Variants in XRCC4 observed in about 807,000 individuals in gnomAD.
XRCC4 encodes DNA repair protein XRCC4.
XRCC4 carries 28 observed loss-of-function variants against 39.1 expected under a neutral mutation model. The ratio of observed to expected loss-of-function variants is 0.72; its 90% CI spans 0.53 to 0.98. The LOEUF (loss-of-function observed/expected upper bound fraction) is 0.98. Among genes scored for constraint, XRCC4 ranks in the 50% least tolerant of loss-of-function variants. The probability of loss-of-function intolerance (pLI) is 0.00; values close to 1 mark genes in which losing one functional copy is unlikely to be tolerated. For missense variants in XRCC4, 350 were observed against 376.4 expected (o/e 0.93, Z 0.58); for synonymous variants, 123 against 126.4 (o/e 0.97, Z 0.18).
the XRCC4 span, among the ~76,000 whole-genome samples, chr5:83,358,873 A>G: frequency 6.6e-6 from 1 of 152,214 alleles, no homozygotes; most frequent in Non-Finnish European, 1.5e-5. Flanking sequence ...GTGGTGGGAC[A>G]GTAAGCATAA....
At chr5:83,214,185 T>TG (rs1247058971) in intron 6 of XRCC4, among the ~76,000 whole-genome samples, 1 of 152,180 alleles carries the variant, frequency 6.6e-6, no homozygotes, top group Admixed American at 6.5e-5. Context: ...TATTCAGTGT[T>TG]GCACTAGAAA....
intron 7 of XRCC4, among the ~76,000 whole-genome samples, chr5:83,304,778 G>A (rs906639050): frequency 2.6e-5 from 4 of 151,932 alleles, no homozygotes; most frequent in Admixed American, 6.6e-5. Context: ...TCTGTATTTA[G>A]TTGGATAGGA....
intron 3 of XRCC4, among the ~76,000 whole-genome samples, chr5:83,179,977 A>G (rs1750135643): frequency 6.6e-6 from 1 of 152,176 alleles, no homozygotes; most frequent in Non-Finnish European, 1.5e-5. Context: ...GAAAAAGTGT[A>G]AGAATAGTGG....
intron 3 of XRCC4, among the ~76,000 whole-genome samples, chr5:83,166,987 T>A (rs1414896653): frequency 6.6e-6 from 1 of 151,894 alleles, no homozygotes; most frequent in Non-Finnish European, 1.5e-5. Context: ...GTTCAAACAA[T>A]TCTCCTGCCT....
intron 7 of XRCC4, among the ~76,000 whole-genome samples, chr5:83,267,975 G>C (rs1421717088): frequency 6.6e-6 from 1 of 152,122 alleles, no homozygotes; most frequent in East Asian, 1.9e-4. Flanking sequence ...TTTTATGAAT[G>C]CTACAAGAAC....
intron 6 of XRCC4, among the ~76,000 whole-genome samples, chr5:83,241,984 C>T (rs942353063): frequency 2.2e-4 from 32 of 145,430 alleles, no homozygotes; most frequent in African/African-American, 7.6e-4. Flanking sequence ...GAGGAGGAGG[C>T]GGAAGGGTTG....
chr5:83,119,153 T>C (rs1164728041), intron 3 of XRCC4, among the ~76,000 whole-genome samples: 1 of 152,182 alleles, frequency 6.6e-6, no homozygotes, highest in Non-Finnish European at 1.5e-5. Flanking sequence ...ATTATTGCCA[T>C]GTGTCCCTGT....
At chr5:83,278,759 G>C (rs1327859198) in intron 7 of XRCC4, among the ~76,000 whole-genome samples, 2 of 151,926 alleles carry the variant, frequency 1.3e-5, no homozygotes, top group Admixed American at 1.3e-4. Flanking sequence ...GCCGAGGTGG[G>C]TGGATTACCT....
chr5:83,110,769 G>A (rs1012077314), intron 2 of XRCC4, among the ~76,000 whole-genome samples: 20 of 152,016 alleles, frequency 1.3e-4, no homozygotes, highest in African/African-American at 3.6e-4. Context: ...TTTACAATGC[G>A]TTTCATCTGA....
chr5:83,169,585 A>G (rs1201805143), intron 3 of XRCC4, among the ~76,000 whole-genome samples: 1 of 152,218 alleles, frequency 6.6e-6, no homozygotes, highest in Non-Finnish European at 1.5e-5. Flanking sequence ...ACAAAGAGTA[A>G]GCCAACCCAG....
intron 4 of XRCC4, 99 bp from the exon 5 acceptor site, chr5:83,203,453 A>G: frequency 9.5e-7 from 1 of 1,047,802 alleles, no homozygotes; most frequent in Non-Finnish European, 1.3e-6. Context: ...AATAATCTTT[A>G]ATTGTATTTT....
At chr5:83,134,106 C>G (rs1747756593) in intron 3 of XRCC4, among the ~76,000 whole-genome samples, 1 of 152,186 alleles carries the variant, frequency 6.6e-6, no homozygotes, top group Non-Finnish European at 1.5e-5. Context: ...ACCGCTGTTC[C>G]CTATTCGTGG....
intron 7 of XRCC4, among the ~76,000 whole-genome samples, chr5:83,264,421 T>C (rs965008917): frequency 6.6e-6 from 1 of 152,164 alleles, no homozygotes; most frequent in Non-Finnish European, 1.5e-5. Flanking sequence ...TCCTATGTTT[T>C]TATTATTAAT....
chr5:83,250,259 ATGT>A (rs965314141), intron 6 of XRCC4, among the ~76,000 whole-genome samples: 2 of 152,168 alleles, frequency 1.3e-5, no homozygotes, highest in Non-Finnish European at 2.9e-5. Context: ...TGAAGGCTTA[ATGT>A]TGTTCTTTCA....
intron 3 of XRCC4, among the ~76,000 whole-genome samples, chr5:83,135,112 G>C (rs1194562531): frequency 6.6e-6 from 1 of 152,184 alleles, no homozygotes; most frequent in African/African-American, 2.4e-5. Flanking sequence ...GGACACACAG[G>C]TACCGTCTGT....
Position 83,257,356 on chromosome 5 carries a change from C to A in XRCC4, c.746-1174C>A, listed in dbSNP as rs552574062. Reference sequence around the variant, plus strand: ...ACAAAATTTACAAGAAAAAAAAAAACCCATTAAAAAGTGGCCGAAGGATAT... The same window carrying A: ...ACAAAATTTACAAGAAAAAAAAAAAACCATTAAAAAGTGGCCGAAGGATAT... On this transcript the variant is annotated intron_variant, in intron 6 of 7. Coordinates refer to ENST00000396027, the MANE Select transcript of XRCC4 (RefSeq NM_003401.5). Among the ~76,000 whole-genome samples the A allele has an allele frequency of 5.1e-3, 766 of 150,534 alleles. 10 individuals carry two copies. Among genetic ancestry groups the A allele is most frequent in the African/African-American group, 0.016 (676 of 40,984 alleles).
At chr5:83,286,796 T>C (rs951812263) in intron 7 of XRCC4, among the ~76,000 whole-genome samples, 6 of 151,876 alleles carry the variant, frequency 4.0e-5, no homozygotes, top group Admixed American at 6.6e-5. Flanking sequence ...CCTGAGAAGA[T>C]TGAGAAGGAA....
At chr5:83,170,172 C>A (rs1749658202) in intron 3 of XRCC4, among the ~76,000 whole-genome samples, 1 of 152,076 alleles carries the variant, frequency 6.6e-6, no homozygotes, top group East Asian at 1.9e-4. Flanking sequence ...TACTTAGTAA[C>A]ATTGTGTCTT....
At chr5:83,194,012 C>A (rs889017909) in intron 3 of XRCC4, among the ~76,000 whole-genome samples, 1 of 152,154 alleles carries the variant, frequency 6.6e-6, no homozygotes, top group South Asian at 2.1e-4. Context: ...AGGCTCACTG[C>A]AACCTGTGTC....
Sources: allele counts gnomAD v4.1 joint callset (sites outside exome capture counted in the v4.1 genomes callset), GRCh38; gene constraint gnomAD v4.1.1; transcripts MANE v1.5; gene names NCBI Gene and HGNC (gene_info 2026-07-23, HGNC 2026-07-21).